CRTC3: variants seen among roughly 807,000 people sequenced by gnomAD.
CRTC3 encodes CREB-regulated transcription coactivator 3.
Under a neutral mutation model 74.5 loss-of-function variants are expected in CRTC3, and 26 were observed. The ratio of observed to expected loss-of-function variants is 0.35; its 90% CI spans 0.26 to 0.48. The LOEUF (loss-of-function observed/expected upper bound fraction) is 0.48. CRTC3 is among the 20% of genes least tolerant of loss of function. The pLI, the probability that CRTC3 is intolerant of heterozygous loss-of-function variation, is 0.99. For synonymous variants in CRTC3, 377 were observed against 325.8 expected (o/e 1.16, Z -1.69); for missense variants, 760 against 787.3 (o/e 0.97, Z 0.41).
At chr15:90,605,181 G>A (rs576026641) in intron 5 of CRTC3, among the ~76,000 whole-genome samples, 2 of 152,080 alleles carry the variant, frequency 1.3e-5, no homozygotes, top group Admixed American at 6.5e-5. Context: ...TAAGCCCAAG[G>A]AGGTTGAGGC....
chr15:90,574,460 G>C (rs1296641365), intron 2 of CRTC3, among the ~76,000 whole-genome samples: 1 of 151,974 alleles, frequency 6.6e-6, no homozygotes, highest in African/African-American at 2.4e-5. Flanking sequence ...CCTGGTGACA[G>C]AGCGAGACTC....
At chr15:90,590,288 G>A (rs939827897) in intron 2 of CRTC3, among the ~76,000 whole-genome samples, 9 of 151,604 alleles carry the variant, frequency 5.9e-5, no homozygotes, top group African/African-American at 1.7e-4. Flanking sequence ...GCAAAACTCC[G>A]TCTCAAAAAA....
intron 1 of CRTC3, among the ~76,000 whole-genome samples, chr15:90,535,866 T>G (rs962451290): frequency 1.3e-5 from 2 of 152,156 alleles, no homozygotes; most frequent in Non-Finnish European, 2.9e-5. Context: ...TTTTTGTGGA[T>G]GAGTAAACTG....
chr15:90,625,679 A>C (rs1203041051), intron 9 of CRTC3, 97 bp from the exon 10 acceptor site: 2 of 1,103,716 alleles, frequency 1.8e-6, no homozygotes, highest in African/African-American at 3.1e-5. Context: ...TTTTGTAGCC[A>C]CTGCTCTTAT....
rs1291318367 is a variant in CRTC3 at position 90,643,040 on chromosome 15, A to G, written c.*900A>G. The G allele has an allele frequency of 1.3e-5, 3 of 232,034 alleles. No individual in the cohort carries two copies. The highest frequency in any genetic ancestry group is 2.6e-5 in the Non-Finnish European group (3 of 117,418). The allele number at this position is 232,034 out of a possible 1,614,324, so 14.4% of individuals were successfully genotyped here. On this transcript the variant is annotated 3_prime_UTR_variant, in exon 15 of 15. Transcript: ENST00000268184. ...ACCCACCGAGCAACTGAGCTTCCCC[A>G]TCCCTCCCCAGAGCTGTGTCTCTGT...
intron 11 of CRTC3, among the ~76,000 whole-genome samples, chr15:90,635,656 T>C (rs1179647297): frequency 6.6e-6 from 1 of 151,922 alleles, no homozygotes; most frequent in Non-Finnish European, 1.5e-5. Context: ...AGAAAAACTC[T>C]GTCTCCAGAA....
In CRTC3 at chr15:90,545,789, A is replaced by G. The variant is rs558253526; in HGVS notation, c.231+5652A>G. Among the ~76,000 whole-genome samples, 237 of 152,148 alleles carry G rather than the reference A, an allele frequency of 1.6e-3. 2 individuals are homozygous for G. The highest frequency in any genetic ancestry group is 3.4e-3 in the Middle Eastern group (1 of 292). On this transcript the variant is annotated intron_variant, in intron 2 of 14. Transcript: ENST00000268184. ...GAGACGGGGTTTCACTGTGTTAGCC[A>G]GGATGGTCTCCATCTCCTGACTTTG...
intron 2 of CRTC3, among the ~76,000 whole-genome samples, chr15:90,546,622 A>G (rs572129946): frequency 8.6e-5 from 13 of 151,880 alleles, no homozygotes; most frequent in African/African-American, 2.4e-4. Flanking sequence ...ACCTGCTAGG[A>G]TTTTATTTTT....
intron 2 of CRTC3, among the ~76,000 whole-genome samples, chr15:90,569,269 G>A (rs1736459138): frequency 6.7e-6 from 1 of 150,056 alleles, no homozygotes; most frequent in East Asian, 2.0e-4. Context: ...CTCCCAAAGT[G>A]CTAGGATTAT....
intron 11 of CRTC3, among the ~76,000 whole-genome samples, chr15:90,631,239 G>A (rs908242009): frequency 1.3e-5 from 2 of 152,036 alleles, no homozygotes; most frequent in African/African-American, 2.4e-5. Context: ...TTTTGGGCGA[G>A]GGTGAGAGGA....
chr15:90,603,859 A>C (rs142696279), intron 4 of CRTC3, among the ~76,000 whole-genome samples: 142 of 152,366 alleles, frequency 9.3e-4, no homozygotes, highest in African/African-American at 3.1e-3. Context: ...GCTGCCCTCA[A>C]GAATCTTGGG....
intron 2 of CRTC3, among the ~76,000 whole-genome samples, chr15:90,585,613 G>C (rs562623361): frequency 6.6e-6 from 1 of 152,240 alleles, no homozygotes; most frequent in South Asian, 2.1e-4. Context: ...TAGTTTTTAG[G>C]CTGCTACAAA....
At chr15:90,563,786 G>A (rs1274541544) in intron 2 of CRTC3, among the ~76,000 whole-genome samples, 2 of 152,148 alleles carry the variant, frequency 1.3e-5, no homozygotes, top group Non-Finnish European at 2.9e-5. Flanking sequence ...TTAGTCTGAA[G>A]GTTTTCAGCC....
chr15:90,571,765 C>G (rs1259507984), intron 2 of CRTC3, among the ~76,000 whole-genome samples: 1 of 152,132 alleles, frequency 6.6e-6, no homozygotes, highest in African/African-American at 2.4e-5. Flanking sequence ...CATCTGCACC[C>G]TTTCTGCAGT....
intron 9 of CRTC3, among the ~76,000 whole-genome samples, chr15:90,623,000 C>A (rs535177333): frequency 6.6e-6 from 1 of 152,288 alleles, no homozygotes; most frequent in South Asian, 2.1e-4. Context: ...CCTACTTTTA[C>A]CAAGAAAAGT....
chr15:90,587,480 A>G (rs1320802259), intron 2 of CRTC3, among the ~76,000 whole-genome samples: 1 of 152,206 alleles, frequency 6.6e-6, no homozygotes, highest in African/African-American at 2.4e-5. Context: ...GGAGGCACAG[A>G]AGCCTTCTCT....
chr15:90,592,998 C>G (rs555965748), intron 2 of CRTC3, among the ~76,000 whole-genome samples: 1 of 152,056 alleles, frequency 6.6e-6, no homozygotes, highest in South Asian at 2.1e-4. Flanking sequence ...ACTAAAAATA[C>G]AAAAATTAGC....
chr15:90,637,613 T>G (rs1443723378), intron 11 of CRTC3, among the ~76,000 whole-genome samples: 1 of 152,206 alleles, frequency 6.6e-6, no homozygotes, highest in African/African-American at 2.4e-5. Context: ...TGCCTCACCT[T>G]CTAATATCCA....
At position 90,643,121 on chromosome 15, in the gene CRTC3, A is replaced by C. The variant is rs1370326318; in HGVS notation, c.*981A>C. ...CCGTAAGCTCCTTGAGGGCAGGGAC[A>C]GTGCCTTATCATTGTTGAACCCGTA... On this transcript the variant is annotated 3_prime_UTR_variant, in exon 15 of 15. Transcript: ENST00000268184. The C allele has an allele frequency of 4.3e-6, 1 of 232,194 alleles. No homozygotes were observed. The highest frequency in any genetic ancestry group is 1.8e-4 in the South Asian group (1 of 5,524). The allele number at this position is 232,194 out of a possible 1,614,324, so 14.4% of individuals were successfully genotyped here.
Sources: gnomAD v4.1 joint callset for allele counts (sites outside exome capture counted in the v4.1 genomes callset) on GRCh38, gnomAD v4.1.1 for gene constraint, MANE v1.5 for transcripts, NCBI Gene and HGNC (gene_info 2026-07-23, HGNC 2026-07-21) for gene names.